The following GRIN2A variants were observed in gnomAD, a reference collection of about 807,000 sequenced individuals.
The protein encoded by GRIN2A is glutamate ionotropic receptor NMDA type subunit 2A, also known as glutamate receptor ionotropic, NMDA 2A.
Under a neutral mutation model 113.4 loss-of-function variants are expected in GRIN2A, and 22 were observed. The observed-to-expected ratio is 0.19, with a 90% CI of 0.14 to 0.28. The LOEUF (loss-of-function observed/expected upper bound fraction) is 0.28. GRIN2A is among the 10% of genes least tolerant of loss of function. The pLI, the probability that GRIN2A is intolerant of heterozygous loss-of-function variation, is 1.00. For synonymous variants in GRIN2A, 827 were observed against 738.4 expected, an observed-to-expected ratio of 1.12 and a Z score of -1.94; for missense variants, 1,502 against 1,887.0, an observed-to-expected ratio of 0.80 and a Z score of 3.78.
intron 3 of GRIN2A, 60 bp from the exon 4 acceptor site, chr16:9,891,160 T>G (rs2043688087): frequency 1.1e-6 from 1 of 926,980 alleles, no homozygotes; most frequent in African/African-American, 1.6e-5. Flanking sequence ...ATCGAACAAA[T>G]AAGTGGATGC....
chr16:9,988,284 C>CGCGTGTGT (rs1555461878), intron 2 of GRIN2A, among the ~76,000 whole-genome samples: 1 of 146,840 alleles, frequency 6.8e-6, no homozygotes, highest in Non-Finnish European at 1.5e-5. Flanking sequence ...TGTGTGTGTG[C>CGCGTGTGT]GTGTGTGTGT....
At chr16:9,843,251 CAG>C (rs2042714801) in intron 5 of GRIN2A, among the ~76,000 whole-genome samples, 1 of 152,118 alleles carries the variant, frequency 6.6e-6, no homozygotes. Context: ...ATTGGCAACA[CAG>C]ACACACACAC....
chr16:10,137,052 G>C lies in GRIN2A; in HGVS notation c.414+42946C>G, dbSNP rs929404830. The stretch of plus-strand genomic sequence containing the variant: ...ACAGTTATCCTGCCTACAAGACAAC[G>C]GACTGGAGTGCTTATCCACAAATCC... On this transcript the variant is annotated intron_variant, in intron 2 of 12. Transcript: ENST00000330684. Among the ~76,000 whole-genome samples the C allele has an allele frequency of 2.6e-5, 4 of 152,276 alleles. No homozygotes were observed. The East Asian group carries it at 7.7e-4, about 29-fold the overall frequency.
intron 2 of GRIN2A, among the ~76,000 whole-genome samples, chr16:10,102,973 A>G (rs2048428669): frequency 6.6e-6 from 1 of 152,190 alleles, no homozygotes; most frequent in Non-Finnish European, 1.5e-5. Context: ...TTTAACAAGC[A>G]TCTATTGTCT....
In GRIN2A at chr16:9,801,916, G is replaced by A. The variant is rs992290939; in HGVS notation, c.2169-3452C>T. On this transcript the variant is annotated intron_variant, in intron 10 of 12. Transcript: ENST00000330684. ...CACATGAACTGGTTTCTAGATTCTA[G>A]AGAGCTGGGGCCTACACACAATGGG... 3.3e-5 allele frequency among the ~76,000 whole-genome samples: 5 copies of A among 152,366 alleles called. No individual in the cohort carries two copies. The South Asian group carries it at 1.0e-3, about 32-fold the overall frequency.
chr16:10,145,542 G>A (rs1161803518), intron 2 of GRIN2A, among the ~76,000 whole-genome samples: 1 of 151,874 alleles, frequency 6.6e-6, no homozygotes, highest in African/African-American at 2.4e-5. Flanking sequence ...ATGAGTTGAA[G>A]CTGAATTGAG....
At chr16:10,162,995 CA>C (rs2049834824) in intron 2 of GRIN2A, among the ~76,000 whole-genome samples, 1 of 152,202 alleles carries the variant, frequency 6.6e-6, no homozygotes, top group South Asian at 2.1e-4. Context: ...TGATCTTTAA[CA>C]AAGTTAATTT....
intron 2 of GRIN2A, among the ~76,000 whole-genome samples, chr16:9,944,357 T>A (rs770354725): frequency 6.6e-6 from 1 of 152,028 alleles, no homozygotes; most frequent in Admixed American, 6.6e-5. Context: ...TGGATAGCAT[T>A]CTCACGTGCA....
At chr16:9,989,079 A>T (rs1008587011) in intron 2 of GRIN2A, among the ~76,000 whole-genome samples, 15 of 152,296 alleles carry the variant, frequency 9.8e-5, no homozygotes, top group South Asian at 4.1e-4. Flanking sequence ...GGGTTGATGA[A>T]TGGGCAAGGC....
At chr16:10,089,483 G>A (rs764462302) in intron 2 of GRIN2A, among the ~76,000 whole-genome samples, 1 of 152,122 alleles carries the variant, frequency 6.6e-6, no homozygotes, top group Non-Finnish European at 1.5e-5. Flanking sequence ...GTGGGTTCCA[G>A]GAGGGCAGTT....
rs183410256 is a variant in GRIN2A, at chr16:9,901,653, G to A, written c.1008-10553C>T. On this transcript the variant is annotated intron_variant, in intron 3 of 12. Coordinates refer to ENST00000330684, the MANE Select transcript of GRIN2A (RefSeq NM_001134407.3). ...TGTTTGTATTTTTAGTAGAGAAGGG[G>A]TTGGTCAGGCTGGTCTCAAACTCCT... Among the ~76,000 whole-genome samples the A allele has an allele frequency of 9.2e-5, 14 of 152,166 alleles. No individual in the cohort carries two copies. The East Asian group carries it at 2.7e-3, about 29-fold the overall frequency.
At chr16:10,154,564 G>A (rs1444615498) in intron 2 of GRIN2A, among the ~76,000 whole-genome samples, 1 of 152,186 alleles carries the variant, frequency 6.6e-6, no homozygotes, top group Non-Finnish European at 1.5e-5. Flanking sequence ...GGTAGAGGAG[G>A]CTCAGTACAT....
intron 3 of GRIN2A, among the ~76,000 whole-genome samples, chr16:9,895,019 T>C (rs1324400915): frequency 6.6e-6 from 1 of 152,220 alleles, no homozygotes; most frequent in Non-Finnish European, 1.5e-5. Flanking sequence ...CCATTAGGCA[T>C]GTTTGAGCAT....
chr16:9,873,543 A>AAAC lies in GRIN2A; in HGVS notation c.1122+17440_1122+17442dup, dbSNP rs71402407. 6.6e-4 allele frequency among the ~76,000 whole-genome samples: 98 copies of AAAC among 148,010 alleles called. 1 individual carries two copies. The highest frequency in any genetic ancestry group is 3.4e-3 in the East Asian group (17 of 5,048). On this transcript the variant is annotated intron_variant, in intron 4 of 12. Transcript: ENST00000330684. ...AAGTGAGACACCCCCCATCTCTAAA[A>AAAC]AACAACAACAACAACAACAACAAAC...
intron 2 of GRIN2A, among the ~76,000 whole-genome samples, chr16:10,104,308 T>C (rs1567301585): frequency 6.6e-6 from 1 of 152,118 alleles, no homozygotes; most frequent in Non-Finnish European, 1.5e-5. Context: ...ATGAACACTA[T>C]GTAGAAGGTG....
At chr16:9,878,575 G>C (rs2043416848) in intron 4 of GRIN2A, among the ~76,000 whole-genome samples, 1 of 152,104 alleles carries the variant, frequency 6.6e-6, no homozygotes, top group Admixed American at 6.6e-5. Flanking sequence ...GGTAGCTGCT[G>C]CCCTCATGAT....
At chr16:10,057,747 G>C (rs183446993) in intron 2 of GRIN2A, among the ~76,000 whole-genome samples, 1 of 152,138 alleles carries the variant, frequency 6.6e-6, no homozygotes, top group African/African-American at 2.4e-5. Context: ...AGACTGCAAA[G>C]CTTTCTTGAA....
At chr16:10,108,019 T>G (rs2048531204) in intron 2 of GRIN2A, among the ~76,000 whole-genome samples, 1 of 152,214 alleles carries the variant, frequency 6.6e-6, no homozygotes, top group African/African-American at 2.4e-5. Context: ...CTCATGTATG[T>G]CTCATCCAGT....
At chr16:10,076,409 G>A (rs761175123) in intron 2 of GRIN2A, among the ~76,000 whole-genome samples, 3 of 152,238 alleles carry the variant, frequency 2.0e-5, no homozygotes, top group East Asian at 1.9e-4. Context: ...GAGTGGCGAC[G>A]GTGGGGACCT....
Sources: allele counts gnomAD v4.1 joint callset (sites outside exome capture counted in the v4.1 genomes callset), GRCh38; gene constraint gnomAD v4.1.1; transcripts MANE v1.5; gene names NCBI Gene and HGNC (gene_info 2026-07-23, HGNC 2026-07-21).